Variants in FBXL17 observed in about 807,000 individuals in gnomAD.
FBXL17 encodes F-box and leucine rich repeat protein 17.
A neutral mutation model predicts 66.2 loss-of-function variants in FBXL17; 22 were observed. The observed-to-expected ratio is 0.33, with a 90% CI of 0.24 to 0.47. The LOEUF is 0.47. FBXL17 is among the 20% of genes least tolerant of loss of function. The pLI is 1.00. For synonymous variants in FBXL17, 474 were observed against 400.5 expected (o/e 1.18, Z -2.19); for missense variants, 878 against 948.2 (o/e 0.93, Z 0.97).
intron 1 of FBXL17, among the ~76,000 whole-genome samples, chr5:108,378,320 GTTT>G (rs1400432599): frequency 1.8e-5 from 2 of 109,278 alleles, no homozygotes; most frequent in Non-Finnish European, 1.9e-5. Flanking sequence ...TACCTGCCTC[GTTT>G]TTGTTTTTTG....
In FBXL17 at chr5:107,871,057, C is replaced by CAAAAAAAAAAAAAAAAAAAAA. The variant is rs201752049; in HGVS notation, c.1966-9218_1966-9198dup. Among the ~76,000 whole-genome samples, 35 of 65,888 alleles carry CAAAAAAAAAAAAAAAAAAAAA rather than the reference C, an allele frequency of 5.3e-4. 3 individuals carry two copies. The highest frequency in any genetic ancestry group is 2.0e-3 in the African/African-American group (26 of 13,322). 43.2% of individuals were successfully genotyped at this position (65,888 alleles called of 152,430 possible). Reference sequence around the variant, plus strand: ...GGTAAGAAATATTACTCTTGGGCGGCAAAAAAAAAAAAAAAAAAAAAACCT... The same window carrying CAAAAAAAAAAAAAAAAAAAAA: ...GGTAAGAAATATTACTCTTGGGCGGCAAAAAAAAAAAAAAAAAAAAAAAAAAAAAAAAAAAAAAAAAAACCT... On this transcript the variant is annotated intron_variant, in intron 8 of 8. Coordinates refer to ENST00000542267, the MANE Select transcript of FBXL17 (RefSeq NM_001163315.3).
chr5:107,919,257 T>G (rs1327140863), intron 7 of FBXL17, among the ~76,000 whole-genome samples: 2 of 152,192 alleles, frequency 1.3e-5, no homozygotes, highest in Non-Finnish European at 2.9e-5. Flanking sequence ...CACCCATATT[T>G]GATCCATTAG....
intron 6 of FBXL17, among the ~76,000 whole-genome samples, chr5:108,097,882 T>C (rs996680108): frequency 1.3e-5 from 2 of 152,104 alleles, no homozygotes; most frequent in African/African-American, 4.8e-5. Flanking sequence ...CTGAATAACA[T>C]TTTATACTGT....
intron 7 of FBXL17, among the ~76,000 whole-genome samples, chr5:107,914,801 T>C (rs189456909): frequency 6.6e-6 from 1 of 152,282 alleles, no homozygotes; most frequent in African/African-American, 2.4e-5. Flanking sequence ...TAAGACAAAG[T>C]GGAAGGAATT....
In FBXL17 at chr5:108,100,922, G is replaced by C. The variant is rs1178729516; in HGVS notation, c.1746-79921C>G. ...AGACATTTCACTACAAATACAGATG[G>C]AGCTGTAAACAAAAAAGATCAGAAC... On this transcript the variant is annotated intron_variant, in intron 6 of 8. Transcript: ENST00000542267. Among the ~76,000 whole-genome samples, 12 of 152,198 alleles carry C rather than the reference G, an allele frequency of 7.9e-5. 1 individual carries two copies. The East Asian group carries it at 1.7e-3, about 22-fold the overall frequency.
At chr5:107,978,113 A>C (rs1407735613) in intron 7 of FBXL17, among the ~76,000 whole-genome samples, 1 of 152,200 alleles carries the variant, frequency 6.6e-6, no homozygotes, top group Non-Finnish European at 1.5e-5. Context: ...CTCAGTGTCC[A>C]GGTAATGCTG....
Position 107,971,587 on chromosome 5 carries a change from C to T in FBXL17, c.1822+49338G>A, listed in dbSNP as rs116440029. Among the ~76,000 whole-genome samples the T allele has an allele frequency of 5.9e-3, 901 of 152,118 alleles. 10 individuals are homozygous for T. Among genetic ancestry groups the T allele is most frequent in the African/African-American group, 0.021 (869 of 41,472 alleles). On this transcript the variant is annotated intron_variant, in intron 7 of 8. Transcript: ENST00000542267. The stretch of plus-strand genomic sequence containing the variant: ...TTTTCTCATAAGCTACAATTTGGTG[C>T]GTGGTGTGATGATTTTGTCACTTTA...
At chr5:108,148,575 TAC>T (rs1184120564) in intron 6 of FBXL17, among the ~76,000 whole-genome samples, 1 of 152,306 alleles carries the variant, frequency 6.6e-6, no homozygotes, top group Non-Finnish European at 1.5e-5. Context: ...CATAGAGGAA[TAC>T]ACACAGTATG....
intron 4 of FBXL17, among the ~76,000 whole-genome samples, chr5:108,333,922 G>A (rs1448416934): frequency 1.3e-5 from 2 of 152,108 alleles, no homozygotes; most frequent in Non-Finnish European, 1.5e-5. Flanking sequence ...GACCTGCTAC[G>A]TGCCAAGCTC....
intron 6 of FBXL17, among the ~76,000 whole-genome samples, chr5:108,063,970 A>C (rs116042882): frequency 0.011 from 1,683 of 152,276 alleles, 14 homozygotes; most frequent in Non-Finnish European, 0.016. Flanking sequence ...TTAACATGAC[A>C]CTAAAGAACA....
chr5:108,172,146 T>C (rs1752629785), intron 6 of FBXL17, among the ~76,000 whole-genome samples: 1 of 152,222 alleles, frequency 6.6e-6, no homozygotes, highest in South Asian at 2.1e-4. Flanking sequence ...ACTCACATGT[T>C]TGACAGTTGG....
At chr5:107,951,874 G>C (rs753525476) in intron 7 of FBXL17, among the ~76,000 whole-genome samples, 70 of 152,330 alleles carry the variant, frequency 4.6e-4, no homozygotes, top group African/African-American at 1.6e-3. Flanking sequence ...GCACCTGTGA[G>C]ATGGGTGCAA....
chr5:107,908,795 A>AAT (rs1320932480), intron 7 of FBXL17, among the ~76,000 whole-genome samples: 2 of 152,162 alleles, frequency 1.3e-5, no homozygotes, highest in African/African-American at 4.8e-5. Context: ...CGCTAGCATC[A>AAT]GGGTGGGAAA....
chr5:108,315,772 T>C (rs1409963423), intron 4 of FBXL17, among the ~76,000 whole-genome samples: 1 of 151,534 alleles, frequency 6.6e-6, no homozygotes, highest in African/African-American at 2.4e-5. Flanking sequence ...AATAATTCAA[T>C]TAGGATATAA....
intron 4 of FBXL17, among the ~76,000 whole-genome samples, chr5:108,304,643 T>C (rs980153417): frequency 6.6e-6 from 1 of 151,784 alleles, no homozygotes; most frequent in African/African-American, 2.4e-5. Flanking sequence ...AAAACAAAAA[T>C]AAACTGAAAT....
chr5:108,126,561 A>G lies in FBXL17; in HGVS notation c.1745+59556T>C, dbSNP rs183471729. 1.5e-4 allele frequency among the ~76,000 whole-genome samples: 22 copies of G among 151,590 alleles called. No individual in the cohort carries two copies. In the East Asian group the frequency reaches 3.9e-3, roughly 27 times the overall value. The stretch of plus-strand genomic sequence containing the variant: ...TTTACCATCAGGCATAGGTTATTTT[A>G]TATATGTGTGTATATATCATTAATT... On this transcript the variant is annotated intron_variant, in intron 6 of 8. Transcript: ENST00000542267.
At chr5:108,006,076 A>G (rs1753909704) in intron 7 of FBXL17, among the ~76,000 whole-genome samples, 1 of 152,224 alleles carries the variant, frequency 6.6e-6, no homozygotes. Context: ...TGGTGGCTAA[A>G]TGTCTAAATA....
intron 4 of FBXL17, among the ~76,000 whole-genome samples, chr5:108,285,873 A>G (rs945077445): frequency 2.7e-4 from 41 of 151,942 alleles, no homozygotes; most frequent in African/African-American, 9.7e-4. Flanking sequence ...GTTGATGAAC[A>G]TAGACACAAA....
intron 4 of FBXL17, among the ~76,000 whole-genome samples, chr5:108,329,269 C>T (rs1760006464): frequency 6.6e-6 from 1 of 152,066 alleles, no homozygotes; most frequent in African/African-American, 2.4e-5. Context: ...GATGGAAGTC[C>T]TGAATACTTT....
Sources: gnomAD v4.1 joint callset for allele counts (sites outside exome capture counted in the v4.1 genomes callset) on GRCh38, gnomAD v4.1.1 for gene constraint, MANE v1.5 for transcripts, NCBI Gene and HGNC (gene_info 2026-07-23, HGNC 2026-07-21) for gene names.